KLK6: variants seen among roughly 807,000 people sequenced by gnomAD.
KLK6 encodes the protein kallikrein related peptidase 6.
Under a neutral mutation model 21.7 loss-of-function variants are expected in KLK6, and 16 were observed. The observed-to-expected ratio is 0.74, with a 90% CI of 0.50 to 1.12. The LOEUF (loss-of-function observed/expected upper bound fraction) is 1.12, where lower values mean the gene tolerates loss of function less well. Ranked by LOEUF, KLK6 falls within the 50% of genes most tolerant of loss-of-function variation. The pLI, the probability that KLK6 is intolerant of heterozygous loss-of-function variation, is 0.00. For missense variants in KLK6, 276 were observed against 304.6 expected, an observed-to-expected ratio of 0.91 and a Z score of 0.70; for synonymous variants, 116 against 120.1, an observed-to-expected ratio of 0.97 and a Z score of 0.22.
intron 1 of KLK6, 26 bp downstream of exon 1, chr19:50,969,464 C>A (rs2090980272): frequency 6.6e-6 from 1 of 152,536 alleles, no homozygotes; most frequent in African/African-American, 2.4e-5. Flanking sequence ...TGCCCAGGTT[C>A]AGTGCGGTTG....
At chr19:50,962,565 C>T (rs750385946) in intron 5 of KLK6, 4 of 152,734 alleles carry the variant, frequency 2.6e-5, no homozygotes, top group Non-Finnish European at 4.4e-5. Context: ...TATTGGTCTG[C>T]TTCCCTCCTT....
intron 4 of KLK6, 88 bp downstream of exon 4, chr19:50,967,081 G>T (rs1028459789): frequency 6.9e-7 from 1 of 1,448,310 alleles, no homozygotes; most frequent in Non-Finnish European, 9.6e-7. Flanking sequence ...TGGGATGGGG[G>T]GGATGCCTAT....
chr19:50,962,088 C>A (rs528962921), intron 5 of KLK6: 4 of 510,572 alleles, frequency 7.8e-6, no homozygotes, highest in Non-Finnish European at 1.0e-5. Context: ...TTCTTCCCCC[C>A]CATTGGCTGT....
chr19:50,959,803 AAGGAGG>A (rs1272089494), intron 6 of KLK6, among the ~76,000 whole-genome samples: 3 of 6,104 alleles, frequency 4.9e-4, no homozygotes, highest in Non-Finnish European at 7.6e-4. Flanking sequence ...GGAAGAGGAG[AAGGAGG>A]AGGAGGAAGA....
intron 6 of KLK6, 115 bp from the exon 7 acceptor site, chr19:50,959,431 G>T: frequency 1.1e-6 from 1 of 913,560 alleles, no homozygotes; most frequent in South Asian, 1.7e-5. Context: ...GGTAGAAAGG[G>T]ACAGAGGTAC....
chr19:50,966,137 C>T (rs1443534993), intron 4 of KLK6, among the ~76,000 whole-genome samples: 7 of 152,116 alleles, frequency 4.6e-5, no homozygotes, highest in Non-Finnish European at 7.4e-5. Context: ...GACATCTCCC[C>T]GGCATCTCCA....
rs1249676863 is a variant in KLK6 at position 50,959,092 on chromosome 19, G to A, written c.*72C>T. ...CTGGGCAGGAGAGGAGGGGAGGCAA[G>A]GTCTAGGTGAGAGACGTTCTGGAAC... On this transcript the variant is annotated 3_prime_UTR_variant, in exon 7 of 7. Transcript: ENST00000310157. 29 of 1,554,506 alleles carry A rather than the reference G, an allele frequency of 1.9e-5. No homozygotes were observed. Among genetic ancestry groups the A allele is most frequent in the Non-Finnish European group, 2.5e-5 (28 of 1,129,190 alleles).
Position 50,964,758 on chromosome 19 carries a change from C to A in KLK6, c.198-1209G>T, listed in dbSNP as rs2090898836. Among the ~76,000 whole-genome samples, 3 of 152,194 alleles carry A rather than the reference C, an allele frequency of 2.0e-5. No homozygotes were observed. The South Asian group carries it at 6.2e-4, about 32-fold the overall frequency. Reference sequence around the variant, plus strand: ...CTTGCTCAGACATCACCCATGGCTCCCCATTGTCCTAAGAATAAAGCCTGG... The same window carrying A: ...CTTGCTCAGACATCACCCATGGCTCACCATTGTCCTAAGAATAAAGCCTGG... On this transcript the variant is annotated intron_variant, in intron 4 of 6. Coordinates refer to ENST00000310157, the MANE Select transcript of KLK6 (RefSeq NM_002774.4).
At chr19:50,963,216 C>A in intron 5 of KLK6, 86 bp downstream of exon 5, 1 of 1,534,596 alleles carries the variant, frequency 6.5e-7, no homozygotes, top group Non-Finnish European at 8.8e-7. Context: ...TCCCATGGCC[C>A]CTCACCAATT....
In KLK6 at chr19:50,963,340, G is replaced by T. The variant is rs150439759; in HGVS notation, c.407C>A (p.Thr136Asn). 2 of 1,613,994 alleles carry T rather than the reference G, an allele frequency of 1.2e-6. No homozygotes were observed. Among genetic ancestry groups the T allele is most frequent in the African/African-American group, 2.7e-5 (2 of 74,932 alleles). ...GCCCCAGCCCAGGATGTGGCAGCTGGTGGTGTTGGCTGAGCAGTCCCTCTC... is the reference window on the plus strand; with the variant it reads ...GCCCCAGCCCAGGATGTGGCAGCTGTTGGTGTTGGCTGAGCAGTCCCTCTC... The part of the protein sequence containing the change: ...PLERDCSANT[T>N]SCHILGWGKT... The change falls in exon 5 of 7, where the codon ACC becomes AAC. Residue 136 changes from threonine to asparagine, a missense_variant. Thr to Asn is a moderately conservative substitution (Grantham distance 65, BLOSUM62 0). Coordinates refer to ENST00000310157, the MANE Select transcript of KLK6 (RefSeq NM_002774.4).
chr19:50,964,012 G>T (rs1361933111), intron 4 of KLK6, among the ~76,000 whole-genome samples: 1 of 152,122 alleles, frequency 6.6e-6, no homozygotes, highest in Admixed American at 6.6e-5. Context: ...CAGAATCAAA[G>T]CCAAAGTTCT....
chr19:50,963,229 C>T, intron 5 of KLK6, 73 bp downstream of exon 5: 1 of 1,553,474 alleles, frequency 6.4e-7, no homozygotes, highest in Non-Finnish European at 8.7e-7. Flanking sequence ...CACCAATTTT[C>T]CCACTCCCCA....
intron 4 of KLK6, among the ~76,000 whole-genome samples, chr19:50,964,779 C>T (rs866653089): frequency 2.0e-5 from 3 of 152,220 alleles, no homozygotes; most frequent in African/African-American, 7.2e-5. Context: ...AAGAATAAAG[C>T]CTGGGCTCCT....
At chr19:50,967,551 A>ACACACACACACACACACACAC (rs1555781646) in intron 3 of KLK6, among the ~76,000 whole-genome samples, 3 of 143,352 alleles carry the variant, frequency 2.1e-5, no homozygotes, top group Non-Finnish European at 4.7e-5. Context: ...ACACACACAC[A>ACACACACACACACACACACAC]AATTAGCAGG....
chr19:50,959,554 A>G (rs1338545624), intron 6 of KLK6, among the ~76,000 whole-genome samples: 1 of 148,210 alleles, frequency 6.7e-6, no homozygotes, highest in African/African-American at 2.5e-5. Flanking sequence ...AGACTCAAAG[A>G]CACAGAGATA....
At position 50,963,465 on chromosome 19, in the gene KLK6, G is replaced by C; in HGVS notation, c.282C>G (p.Ile94Met). 6.2e-7 allele frequency: 1 copy of C among 1,614,186 alleles called. No homozygotes were observed. ...QEQSSVVRAV[I>M]HPDYDAASHD... ...GGCTGGCGGCATCATAGTCAGGGTG[G>C]ATCACAGCCCGGACAACAGAACTCT... Residue 94 changes from isoleucine (I) to methionine (M), a missense_variant, in exon 5 of 7, where the codon ATC becomes ATG. By Grantham distance (10) the Ile-to-Met change is conservative. Transcript: ENST00000310157.
At chr19:50,967,370 C>A in intron 3 of KLK6, 45 bp from the exon 4 acceptor site, 1 of 1,536,940 alleles carries the variant, frequency 6.5e-7, no homozygotes, top group Non-Finnish European at 8.8e-7. Context: ...CTGGAGAAAC[C>A]AAGCGCATCC....
chr19:50,964,614 C>A (rs1025791040), intron 4 of KLK6, among the ~76,000 whole-genome samples: 2 of 152,214 alleles, frequency 1.3e-5, no homozygotes, highest in Non-Finnish European at 2.9e-5. Flanking sequence ...GACAGTGCAG[C>A]TCTAGGATGT....
chr19:50,960,093 GGATGGGGA>G, intron 6 of KLK6, among the ~76,000 whole-genome samples: 1 of 75,558 alleles, frequency 1.3e-5, no homozygotes, highest in Non-Finnish European at 2.7e-5. Context: ...AGGGGGAGGA[GGATGGGGA>G]GGGGGAGGAG....
Sources: gnomAD v4.1 joint callset for allele counts (sites outside exome capture counted in the v4.1 genomes callset) on GRCh38, gnomAD v4.1.1 for gene constraint, MANE v1.5 for transcripts, NCBI Gene and HGNC (gene_info 2026-07-23, HGNC 2026-07-21) for gene names.